The following FBXO34 variants were observed in gnomAD, a reference collection of about 807,000 sequenced individuals.
FBXO34 encodes the protein F-box only protein 34.
FBXO34 carries 12 observed loss-of-function variants against 24.5 expected under a neutral mutation model. The ratio of observed to expected loss-of-function variants is 0.49; its 90% confidence interval spans 0.31 to 0.79. FBXO34 has a LOEUF of 0.79. Among genes scored for constraint, FBXO34 ranks in the 30% least tolerant of loss-of-function variants. The pLI is 0.04. For missense variants in FBXO34, 823 were observed against 857.7 expected, an observed-to-expected ratio of 0.96 and a Z score of 0.51; for synonymous variants, 320 against 311.9, an observed-to-expected ratio of 1.03 and a Z score of -0.27.
chr14:55,355,534 C>T (rs1884509123), downstream of FBXO34, among the ~76,000 whole-genome samples: 8 of 152,246 alleles, frequency 5.3e-5, no homozygotes, highest in Admixed American at 5.2e-4. Context: ...ACTGAACATA[C>T]ACACTTTTTT....
At chr14:55,354,431 C>CA (rs1318543763), downstream of FBXO34, 1 of 152,200 alleles carries the variant, frequency 6.6e-6, no homozygotes, top group Non-Finnish European at 1.5e-5. Flanking sequence ...CTATGGCTGA[C>CA]ATTGACTATG....
At chr14:55,379,571 ATTT>A in the FBXO34 span, among the ~76,000 whole-genome samples, 2 of 152,182 alleles carry the variant, frequency 1.3e-5, no homozygotes, top group African/African-American at 4.8e-5. Flanking sequence ...TAAACTTTTA[ATTT>A]TTTAAAAAAA....
chr14:55,358,414 CAGAG>C (rs1201507975), downstream of FBXO34, among the ~76,000 whole-genome samples: 2 of 152,144 alleles, frequency 1.3e-5, no homozygotes, highest in African/African-American at 2.4e-5. Flanking sequence ...GGCAGGAACA[CAGAG>C]AGCCCTCCTG....
chr14:55,369,849 C>G (rs879043379), downstream of FBXO34: 2 of 1,614,202 alleles, frequency 1.2e-6, no homozygotes, highest in East Asian at 2.2e-5. Context: ...CCGCTCTCAT[C>G]TGATTCTCCA....
chr14:55,404,273 TA>T, the FBXO34 span, among the ~76,000 whole-genome samples: 1 of 152,328 alleles, frequency 6.6e-6, no homozygotes, highest in African/African-American at 2.4e-5. Flanking sequence ...TCAATTTTAC[TA>T]AAAAGACACT....
intron 1 of FBXO34, among the ~76,000 whole-genome samples, chr14:55,296,378 T>TTG (rs1882121464): frequency 2.9e-5 from 4 of 139,624 alleles, no homozygotes; most frequent in Non-Finnish European, 4.7e-5. Flanking sequence ...TTTGCTGTTC[T>TTG]TGTGTTTTTT....
At chr14:55,338,848 G>A (rs1049671485) in intron 1 of FBXO34, among the ~76,000 whole-genome samples, 4 of 151,768 alleles carry the variant, frequency 2.6e-5, no homozygotes, top group African/African-American at 9.7e-5. Flanking sequence ...GGAGCTTGCA[G>A]TGAGCTGAGA....
At chr14:55,321,717 G>A (rs1883139976) in intron 1 of FBXO34, among the ~76,000 whole-genome samples, 1 of 152,124 alleles carries the variant, frequency 6.6e-6, no homozygotes, top group Admixed American at 6.5e-5. Flanking sequence ...GTTTCTGACT[G>A]GTCCCAGTGC....
the FBXO34 span, among the ~76,000 whole-genome samples, chr14:55,385,506 TGG>T: frequency 6.6e-6 from 1 of 152,240 alleles, no homozygotes; most frequent in African/African-American, 2.4e-5. Context: ...TTGGCCAGGT[TGG>T]TCTCAAACTC....
chr14:55,323,232 T>A lies in FBXO34; in HGVS notation c.-10-27149T>A, dbSNP rs1181790529. Among the ~76,000 whole-genome samples, 137 of 95,114 alleles carry A rather than the reference T, an allele frequency of 1.4e-3. 4 individuals carry two copies. The highest frequency in any genetic ancestry group is 3.1e-3 in the African/African-American group (45 of 14,538). 62.4% of individuals were successfully genotyped at this position (95,114 alleles called of 152,430 possible). A position where few individuals can be genotyped will look rare whatever the true frequency, so the allele number is the denominator to read the frequency against. ...AAAAAAAAAAAAATATATATTTTTT[T>A]TTTTTTTTTTTTTTTTAGAGACAGA... is the stretch of plus-strand genomic sequence containing the variant. On this transcript the variant is annotated intron_variant, in intron 1 of 1. Transcript: ENST00000313833.
chr14:55,301,658 T>C (rs150022949), intron 1 of FBXO34, among the ~76,000 whole-genome samples: 2 of 152,288 alleles, frequency 1.3e-5, no homozygotes, highest in East Asian at 3.9e-4. Flanking sequence ...AGTATGTCCA[T>C]AATTAATTGT....
At chr14:55,414,203 G>A in the FBXO34 span, 1 of 566,288 alleles carries the variant, frequency 1.8e-6, no homozygotes, top group African/African-American at 1.9e-5. Context: ...TAACACAAAA[G>A]GAGTCATTTT....
At chr14:55,277,629 T>G (rs1170405657) in intron 1 of FBXO34, among the ~76,000 whole-genome samples, 2 of 152,202 alleles carry the variant, frequency 1.3e-5, no homozygotes, top group Non-Finnish European at 2.9e-5. Context: ...GTAACTGGCA[T>G]GTACCACGGG....
At chr14:55,440,920 C>T in the FBXO34 span, among the ~76,000 whole-genome samples, 3 of 152,240 alleles carry the variant, frequency 2.0e-5, no homozygotes, top group African/African-American at 7.2e-5. Flanking sequence ...CATCTTGGCT[C>T]ACTGCAACCT....
the FBXO34 span, among the ~76,000 whole-genome samples, chr14:55,409,330 C>T: frequency 6.6e-6 from 1 of 152,090 alleles, no homozygotes; most frequent in African/African-American, 2.4e-5. Flanking sequence ...TTCCATAAAT[C>T]TTTATTGAGT....
chr14:55,441,116 G>T, the FBXO34 span, among the ~76,000 whole-genome samples: 1 of 152,156 alleles, frequency 6.6e-6, no homozygotes, highest in Non-Finnish European at 1.5e-5. Flanking sequence ...AAAGTGCTGG[G>T]ATTACAGGCG....
At chr14:55,316,720 A>G (rs1006693273) in intron 1 of FBXO34, among the ~76,000 whole-genome samples, 3 of 134,694 alleles carry the variant, frequency 2.2e-5, no homozygotes, top group African/African-American at 8.1e-5. Context: ...GAGCAGGAAC[A>G]TCTCAAAAAA....
At chr14:55,338,043 T>C (rs1228611498) in intron 1 of FBXO34, among the ~76,000 whole-genome samples, 2 of 132,636 alleles carry the variant, frequency 1.5e-5, no homozygotes, top group Non-Finnish European at 3.1e-5. Flanking sequence ...TAAGAGTATG[T>C]ACTTCTTTTT....
At chr14:55,380,787 ACT>A in the FBXO34 span, 4 of 729,038 alleles carry the variant, frequency 5.5e-6, no homozygotes, top group South Asian at 2.4e-5. Context: ...TCATGATAGC[ACT>A]GTTACGTTTT....
Sources: gnomAD v4.1 joint callset for allele counts (sites outside exome capture counted in the v4.1 genomes callset) on GRCh38, gnomAD v4.1.1 for gene constraint, MANE v1.5 for transcripts, NCBI Gene and HGNC (gene_info 2026-07-23, HGNC 2026-07-21) for gene names.